INSL6: variants seen among roughly 807,000 people sequenced by gnomAD.
INSL6 encodes the protein insulin-like peptide INSL6.
INSL6 carries 16 observed loss-of-function variants against 9.4 expected under a neutral mutation model. That is an observed-to-expected ratio of 1.70 (90% confidence interval 1.15 to 2.59). INSL6 has a LOEUF of 2.59. Ranked by LOEUF, INSL6 falls within the 30% of genes most tolerant of loss-of-function variation. The pLI is 0.00. For synonymous variants in INSL6, 154 were observed against 96.9 expected (o/e 1.59, Z -3.46); for missense variants, 391 against 257.3 (o/e 1.52, Z -3.56).
the INSL6 span, among the ~76,000 whole-genome samples, chr9:5,092,746 G>C: frequency 1.3e-5 from 2 of 152,130 alleles, no homozygotes; most frequent in African/African-American, 4.8e-5. Flanking sequence ...TCACCTACGT[G>C]GCAAAATAGT....
the INSL6 span, among the ~76,000 whole-genome samples, chr9:5,038,602 T>A: frequency 4.6e-3 from 698 of 151,968 alleles, 5 homozygotes; most frequent in African/African-American, 0.016. Flanking sequence ...TTAGATTTTT[T>A]TTTTTTTTTT....
At chr9:5,057,624 C>G in the INSL6 span, among the ~76,000 whole-genome samples, 1 of 141,402 alleles carries the variant, frequency 7.1e-6, no homozygotes, top group Non-Finnish European at 1.5e-5. Flanking sequence ...GCCCTGTCAT[C>G]CAGGCTGGAG....
the INSL6 span, among the ~76,000 whole-genome samples, chr9:5,040,434 A>G: frequency 6.6e-6 from 1 of 152,206 alleles, no homozygotes; most frequent in Non-Finnish European, 1.5e-5. Context: ...TCAAGTGACA[A>G]AAGAAAAATA....
At chr9:5,039,430 G>A in the INSL6 span, among the ~76,000 whole-genome samples, 2 of 152,042 alleles carry the variant, frequency 1.3e-5, no homozygotes, top group Non-Finnish European at 2.9e-5. Flanking sequence ...TATACTGAAG[G>A]ATGTGCACAG....
the INSL6 span, among the ~76,000 whole-genome samples, chr9:5,023,272 C>G: frequency 6.6e-6 from 1 of 152,170 alleles, no homozygotes; most frequent in Non-Finnish European, 1.5e-5. Context: ...TCTTTCAGTT[C>G]CTGGCTTATT....
the INSL6 span, among the ~76,000 whole-genome samples, chr9:5,118,688 G>A: frequency 6.6e-6 from 1 of 152,182 alleles, no homozygotes; most frequent in Non-Finnish European, 1.5e-5. Flanking sequence ...GTTTGTGTAA[G>A]TGAGTGGACA....
At chr9:5,011,307 T>A in the INSL6 span, among the ~76,000 whole-genome samples, 3 of 152,104 alleles carry the variant, frequency 2.0e-5, no homozygotes, top group South Asian at 4.1e-4. Flanking sequence ...TACCTCAGCC[T>A]CCCAAGTAGC....
At chr9:5,123,104 A>G (rs1488257983), downstream of INSL6, 3 of 1,601,096 alleles carry the variant, frequency 1.9e-6, no homozygotes, top group Non-Finnish European at 2.6e-6. Flanking sequence ...CATTGAGAAG[A>G]GTAAAAGTCC....
At chr9:5,015,852 A>G in the INSL6 span, among the ~76,000 whole-genome samples, 1 of 152,198 alleles carries the variant, frequency 6.6e-6, no homozygotes, top group African/African-American at 2.4e-5. Flanking sequence ...TCCAGTTACC[A>G]TCCTTTCTGT....
chr9:5,068,972 G>C, the INSL6 span: 1 of 1,018,488 alleles, frequency 9.8e-7, no homozygotes, highest in Non-Finnish European at 1.5e-6. Context: ...TAATCACTGT[G>C]ATGTCCATTG....
intron 3 of INSL6, among the ~76,000 whole-genome samples, chr9:5,130,668 G>A (rs1212422399): frequency 1.3e-5 from 2 of 151,264 alleles, no homozygotes; most frequent in East Asian, 3.9e-4. Context: ...AATACTTGAG[G>A]TATATATTAT....
At chr9:5,024,678 T>G in the INSL6 span, among the ~76,000 whole-genome samples, 1 of 152,220 alleles carries the variant, frequency 6.6e-6, no homozygotes, top group African/African-American at 2.4e-5. Flanking sequence ...GCCTCAACTT[T>G]AGACCTCTGC....
the INSL6 span, chr9:5,099,483 A>T: frequency 6.6e-6 from 1 of 152,238 alleles, no homozygotes; most frequent in African/African-American, 2.4e-5. Context: ...ATTCAGTTAA[A>T]ATTATTAAAT....
At chr9:5,170,981 C>G (rs1825168464) in intron 1 of INSL6, among the ~76,000 whole-genome samples, 1 of 152,196 alleles carries the variant, frequency 6.6e-6, no homozygotes, top group South Asian at 2.1e-4. Context: ...TCCTCCCTAA[C>G]TCATTCTATG....
At chr9:5,093,700 C>T in the INSL6 span, among the ~76,000 whole-genome samples, 3 of 152,052 alleles carry the variant, frequency 2.0e-5, no homozygotes, top group Non-Finnish European at 4.4e-5. Flanking sequence ...CACATTGACC[C>T]AATAATTTGA....
chr9:5,121,287 T>C (rs981207811), downstream of INSL6, among the ~76,000 whole-genome samples: 1 of 152,172 alleles, frequency 6.6e-6, no homozygotes, highest in African/African-American at 2.4e-5. Flanking sequence ...CTCACCCTTT[T>C]ATATAGCCAA....
chr9:5,114,188 G>T, the INSL6 span: 1 of 458,246 alleles, frequency 2.2e-6, no homozygotes. Context: ...CGCAAGGGGT[G>T]AGCACCTACC....
chr9:5,132,716 A>G (rs1331660556), intron 3 of INSL6: 1 of 152,208 alleles, frequency 6.6e-6, no homozygotes, highest in Non-Finnish European at 1.5e-5. Context: ...GTATGTTGAT[A>G]AAGTCCTAAA....
chr9:5,055,213 G>GAA, the INSL6 span, among the ~76,000 whole-genome samples: 2 of 151,956 alleles, frequency 1.3e-5, no homozygotes, highest in African/African-American at 4.8e-5. Context: ...TTGTTAACTA[G>GAA]AAAAGATTGA....
Sources: allele counts gnomAD v4.1 joint callset (sites outside exome capture counted in the v4.1 genomes callset), GRCh38; gene constraint gnomAD v4.1.1; transcripts MANE v1.5; gene names NCBI Gene and HGNC (gene_info 2026-07-23, HGNC 2026-07-21).